ODAD4: variants seen among roughly 807,000 people sequenced by gnomAD.
ODAD4 encodes the protein outer dynein arm-docking complex subunit 4.
In ODAD4, 49 loss-of-function variants were observed where a neutral mutation model predicts 51.8. The ratio of observed to expected loss-of-function variants is 0.95; its 90% CI spans 0.75 to 1.20. ODAD4 has a LOEUF of 1.20. Ranked by LOEUF, ODAD4 falls within the 50% of genes most tolerant of loss-of-function variation. ODAD4 has a pLI of 0.00. For missense variants in ODAD4, 590 were observed against 586.5 expected (o/e 1.01, Z -0.06); for synonymous variants, 235 against 221.3 (o/e 1.06, Z -0.55).
Position 41,955,336 on chromosome 17 carries a change from C to T in ODAD4, c.1443+19C>T, listed in dbSNP as rs782662335. The T allele has an allele frequency of 9.2e-6, 7 of 763,314 alleles. No homozygotes were observed. Among genetic ancestry groups the T allele is most frequent in the Non-Finnish European group, 1.5e-5 (6 of 410,078 alleles). 47.3% of individuals were successfully genotyped at this position (763,314 alleles called of 1,614,324 possible). A position where few individuals can be genotyped will look rare whatever the true frequency, so the allele number is the denominator to read the frequency against. On this transcript the variant is annotated intron_variant, in intron 10 of 11. Coordinates refer to ENST00000377540, the MANE Select transcript of ODAD4 (RefSeq NM_031421.5). ...CATCAGTGTGAGCCTTTCCACCCGC[C>T]GGGCTTCGGGTGTCAGGAGTGGGGT...
intron 8 of ODAD4, among the ~76,000 whole-genome samples, chr17:41,946,907 G>C (rs1349014605): frequency 6.6e-6 from 1 of 151,630 alleles, no homozygotes; most frequent in African/African-American, 2.4e-5. Context: ...CTGGAGTGCA[G>C]TGGCGTGATC....
chr17:41,937,804 G>A (rs538296239), intron 5 of ODAD4, among the ~76,000 whole-genome samples: 1 of 152,342 alleles, frequency 6.6e-6, no homozygotes, highest in East Asian at 1.9e-4. Flanking sequence ...ACTGCTGCCA[G>A]TGACAGGATG....
intron 1 of ODAD4, among the ~76,000 whole-genome samples, chr17:41,934,255 G>C (rs2050393583): frequency 6.6e-6 from 1 of 151,744 alleles, no homozygotes; most frequent in Non-Finnish European, 1.5e-5. Context: ...TGGCCAGGCT[G>C]GTCTCAAACT....
At chr17:41,941,507 T>C (rs1184957692) in intron 7 of ODAD4, among the ~76,000 whole-genome samples, 1 of 152,156 alleles carries the variant, frequency 6.6e-6, no homozygotes, top group Non-Finnish European at 1.5e-5. Context: ...CTCACGCCTG[T>C]AATCCCAGCA....
intron 11 of ODAD4, 121 bp from the exon 12 acceptor site, chr17:41,964,872 G>A: frequency 1.7e-6 from 1 of 593,872 alleles, no homozygotes; most frequent in Admixed American, 3.0e-5. Context: ...GGAACTCCTG[G>A]CCTCAAGGGA....
intron 9 of ODAD4, among the ~76,000 whole-genome samples, chr17:41,953,895 G>A (rs1409315379): frequency 6.6e-6 from 1 of 151,510 alleles, no homozygotes; most frequent in Non-Finnish European, 1.5e-5. Flanking sequence ...TTGAACTCCT[G>A]GTTCAAGTGA....
In ODAD4 at chr17:41,965,973, T is replaced by C. The variant is rs2050880533; in HGVS notation, c.*490T>C. Among the ~76,000 whole-genome samples the C allele has an allele frequency of 6.6e-6, 1 of 151,872 alleles. No homozygotes were observed. Among genetic ancestry groups the C allele is most frequent in the Admixed American group, 6.6e-5 (1 of 15,246 alleles). ...CGAATGCTGGGAGTGAGGCCAAAGATAGGGGAGTGGCCTGGGAGTCGGGAG... is the reference window on the plus strand; with the variant it reads ...CGAATGCTGGGAGTGAGGCCAAAGACAGGGGAGTGGCCTGGGAGTCGGGAG... On this transcript the variant is annotated 3_prime_UTR_variant, in exon 12 of 12. Transcript: ENST00000377540.
chr17:41,942,859 G>GT (rs1328341594), intron 7 of ODAD4, among the ~76,000 whole-genome samples: 23 of 151,776 alleles, frequency 1.5e-4, no homozygotes, highest in East Asian at 5.8e-4. Flanking sequence ...TGTGTGTTTT[G>GT]TTTTTTTTGT....
rs2050885567 is a variant in ODAD4, at chr17:41,966,245, T to C, written c.*762T>C. Reference sequence around the variant, plus strand: ...AGGATTTCACTCCGTTACTCATCTGTCCCTTTGGCCATTGCCATCCTGGTC... The same window carrying C: ...AGGATTTCACTCCGTTACTCATCTGCCCCTTTGGCCATTGCCATCCTGGTC... On this transcript the variant is annotated 3_prime_UTR_variant, in exon 12 of 12. Coordinates refer to ENST00000377540, the MANE Select transcript of ODAD4 (RefSeq NM_031421.5). Among the ~76,000 whole-genome samples, 1 of 152,136 alleles carries C rather than the reference T, an allele frequency of 6.6e-6. No individual in the cohort carries two copies. The highest frequency in any genetic ancestry group is 2.1e-4 in the South Asian group (1 of 4,826).
rs115151918 is a variant in ODAD4, at chr17:41,960,767, A to G, written c.1444-615A>G. Among the ~76,000 whole-genome samples the G allele has an allele frequency of 2.7e-3, 414 of 152,262 alleles. 3 individuals carry two copies. The highest frequency in any genetic ancestry group is 9.6e-3 in the African/African-American group (399 of 41,574). ...TGGGGGGTGGGCAGACCAACACCAC[A>G]AGAGAGTGCATCCAGGCCCCGGAGC... On this transcript the variant is annotated intron_variant, in intron 10 of 11. Transcript: ENST00000377540.
chr17:41,942,920 T>C (rs2050526400), intron 7 of ODAD4, among the ~76,000 whole-genome samples: 1 of 152,110 alleles, frequency 6.6e-6, no homozygotes, highest in Non-Finnish European at 1.5e-5. Flanking sequence ...TGGAGTGTAG[T>C]GGTGCAATCA....
At chr17:41,930,935 C>T (rs939554722) in intron 1 of ODAD4, 98 bp downstream of exon 1, 131 of 685,480 alleles carry the variant, frequency 1.9e-4, no homozygotes, top group Middle Eastern at 4.9e-4. Flanking sequence ...CTCTTGTTGC[C>T]TAGGCTGGAG....
intron 5 of ODAD4, among the ~76,000 whole-genome samples, chr17:41,938,209 G>A (rs2050453861): frequency 6.6e-6 from 1 of 152,190 alleles, no homozygotes; most frequent in Non-Finnish European, 1.5e-5. Flanking sequence ...CTGGCAGCCT[G>A]GGCCAGATCG....
rs2050623519 is a variant in ODAD4 at position 41,949,207 on chromosome 17, C to G, written c.1200C>G (p.Phe400Leu). The G allele has an allele frequency of 2.5e-6, 1 of 398,548 alleles. No individual in the cohort carries two copies. The highest frequency in any genetic ancestry group is 4.4e-6 in the Non-Finnish European group (1 of 226,100). 24.7% of individuals were successfully genotyped at this position (398,548 alleles called of 1,614,324 possible). ...CCACCCTGGAGAAGACCTGGCTGTTCCACGAGATCGGCCGCTGCTACTTGG... is the reference window on the plus strand; with the variant it reads ...CCACCCTGGAGAAGACCTGGCTGTTGCACGAGATCGGCCGCTGCTACTTGG... ...AKTTLEKTWLFHEIGRCYLEL... is the reference protein window; with the variant it reads ...AKTTLEKTWLLHEIGRCYLEL... Residue 400 changes from phenylalanine to leucine, a missense_variant, in exon 9 of 12, where the codon TTC becomes TTG. Phe to Leu is a conservative substitution (Grantham distance 22). Around this residue, in one of 3 missense-constraint regions of ODAD4, gnomAD observed 226 missense variants for 162.7 expected, o/e 1.39. Coordinates refer to ENST00000377540, the MANE Select transcript of ODAD4 (RefSeq NM_031421.5).
intron 1 of ODAD4, among the ~76,000 whole-genome samples, 186 bp from the exon 2 acceptor site, chr17:41,935,031 G>T (rs551557519): frequency 6.6e-6 from 1 of 152,288 alleles, no homozygotes; most frequent in South Asian, 2.1e-4. Context: ...GCGCAGATCG[G>T]AGTTGTTCTG....
intron 3 of ODAD4, 35 bp from the exon 4 acceptor site, chr17:41,936,438 C>G: frequency 1.3e-6 from 2 of 1,552,116 alleles, no homozygotes. Flanking sequence ...CCTGGGGGGT[C>G]TGGCCGACCT....
intron 1 of ODAD4, 43 bp downstream of exon 1, chr17:41,930,880 A>ATTTT: frequency 7.4e-5 from 10 of 135,156 alleles, no homozygotes; most frequent in Admixed American, 3.3e-4. Context: ...ATCACCCGTC[A>ATTTT]CTTTTTTTTT....
intron 10 of ODAD4, among the ~76,000 whole-genome samples, chr17:41,957,019 C>G: frequency 6.6e-6 from 1 of 152,132 alleles, no homozygotes; most frequent in East Asian, 1.9e-4. Flanking sequence ...ATCCTCACAC[C>G]TTAGCCTCCC....
chr17:41,956,118 G>T (rs1392337934), intron 10 of ODAD4, among the ~76,000 whole-genome samples: 1 of 149,796 alleles, frequency 6.7e-6, no homozygotes, highest in Non-Finnish European at 1.5e-5. Context: ...TGTGATCTTG[G>T]CTCACTGCAA....
Sources: allele counts gnomAD v4.1 joint callset (sites outside exome capture counted in the v4.1 genomes callset), GRCh38; gene constraint gnomAD v4.1.1; regional missense constraint gnomAD v4.1.1; transcripts MANE v1.5; gene names NCBI Gene and HGNC (gene_info 2026-07-23, HGNC 2026-07-21).